Variants in WDPCP observed in about 807,000 individuals in gnomAD.
WDPCP encodes WD repeat containing planar cell polarity effector, also known as WD repeat-containing and planar cell polarity effector protein fritz homolog.
WDPCP carries 71 observed loss-of-function variants against 93.1 expected under a neutral mutation model. That is an observed-to-expected ratio of 0.76 (90% CI 0.63 to 0.93). The LOEUF (loss-of-function observed/expected upper bound fraction) is 0.93, where lower values mean the gene tolerates loss of function less well. WDPCP is among the 40% of genes least tolerant of loss of function. WDPCP has a pLI of 0.00. For missense variants in WDPCP, 844 were observed against 887.4 expected, an observed-to-expected ratio of 0.95 and a Z score of 0.62; for synonymous variants, 315 against 315.0, an observed-to-expected ratio of 1.00 and a Z score of 0.00.
intron 1 of WDPCP, among the ~76,000 whole-genome samples, chr2:63,569,540 A>C (rs928520642): frequency 4.6e-5 from 7 of 152,224 alleles, no homozygotes; most frequent in African/African-American, 1.7e-4. Context: ...CAAAAAAAAG[A>C]CGGGAAGGTC....
intron 10 of WDPCP, among the ~76,000 whole-genome samples, chr2:63,394,659 T>C (rs1693564102): frequency 6.6e-6 from 1 of 152,124 alleles, no homozygotes; most frequent in African/African-American, 2.4e-5. Context: ...AACAGTAGAC[T>C]GGATAAAGGA....
Position 63,259,419 on chromosome 2 carries a change from T to A in WDPCP, c.1813-10A>T. 1.9e-6 allele frequency: 3 copies of A among 1,598,956 alleles called. No individual in the cohort carries two copies. The highest frequency in any genetic ancestry group is 1.1e-5 in the South Asian group (1 of 90,848). ...CAAGGTAATGAATATCCTGAGGAAA[T>A]AAAGCAAAATAAAAGATTGATTCAA... On this transcript the variant is annotated splice_polypyrimidine_tract_variant and intron_variant, in intron 13 of 17. Transcript: ENST00000272321.
chr2:63,211,174 A>C (rs1363477521), intron 14 of WDPCP, among the ~76,000 whole-genome samples: 1 of 152,060 alleles, frequency 6.6e-6, no homozygotes, highest in Non-Finnish European at 1.5e-5. Context: ...TGGGTCCCTG[A>C]CCCCCGAGTA....
intron 2 of WDPCP, among the ~76,000 whole-genome samples, chr2:63,656,551 G>A (rs1268574518): frequency 6.6e-6 from 1 of 152,204 alleles, no homozygotes; most frequent in East Asian, 1.9e-4. Context: ...AGAGCTAAGA[G>A]CAGCTAGTCA....
intron 3 of WDPCP, among the ~76,000 whole-genome samples, chr2:63,632,866 A>G (rs1355968359): frequency 6.6e-6 from 1 of 152,190 alleles, no homozygotes; most frequent in Non-Finnish European, 1.5e-5. Flanking sequence ...ATATATAGGA[A>G]TATGAAGCTC....
At chr2:63,175,672 G>T (rs931676308) in intron 14 of WDPCP, among the ~76,000 whole-genome samples, 1 of 152,048 alleles carries the variant, frequency 6.6e-6, no homozygotes, top group African/African-American at 2.4e-5. Context: ...TTGTATAAGT[G>T]GTATCATACA....
At position 63,121,343 on chromosome 2, in the gene WDPCP, CAA is replaced by C. The variant is rs1176109303; in HGVS notation, c.*661_*662del. 1 of 149,916 alleles carries C rather than the reference CAA, an allele frequency of 6.7e-6. No homozygotes were observed. Among genetic ancestry groups the C allele is most frequent in the Non-Finnish European group, 1.5e-5 (1 of 67,686 alleles). The allele number at this position is 149,916 out of a possible 1,614,324, so 9.3% of individuals were successfully genotyped here. A position where few individuals can be genotyped will look rare whatever the true frequency, so the allele number is the denominator to read the frequency against. On this transcript the variant is annotated 3_prime_UTR_variant, in exon 18 of 18. Coordinates refer to ENST00000272321, the MANE Select transcript of WDPCP (RefSeq NM_015910.7). ...TTGTAATGTAAATTAATAATGTAAA[CAA>C]GAGCAGAAGAGGACTTTCTTTCTTT...
At chr2:63,462,439 G>A (rs985464272) in intron 6 of WDPCP, among the ~76,000 whole-genome samples, 1 of 152,148 alleles carries the variant, frequency 6.6e-6, no homozygotes, top group African/African-American at 2.4e-5. Flanking sequence ...CATGGCACAT[G>A]TAATACATAT....
intron 15 of WDPCP, among the ~76,000 whole-genome samples, chr2:63,159,307 C>G (rs993944305): frequency 3.3e-5 from 5 of 151,120 alleles, no homozygotes; most frequent in Non-Finnish European, 7.4e-5. Flanking sequence ...CCTAGGCTAC[C>G]CTCCAACTCC....
At chr2:63,246,965 A>T (rs1680324165) in intron 14 of WDPCP, among the ~76,000 whole-genome samples, 1 of 152,186 alleles carries the variant, frequency 6.6e-6, no homozygotes, top group Non-Finnish European at 1.5e-5. Context: ...CCTGGAAGTG[A>T]CACTGTGAAA....
chr2:63,670,552 C>A (rs1219347446), intron 2 of WDPCP, among the ~76,000 whole-genome samples: 1 of 151,998 alleles, frequency 6.6e-6, no homozygotes, highest in Non-Finnish European at 1.5e-5. Flanking sequence ...AGCAAAATAG[C>A]AATGCAGCAG....
intron 6 of WDPCP, among the ~76,000 whole-genome samples, chr2:63,458,757 A>G (rs944764528): frequency 6.6e-6 from 1 of 152,184 alleles, no homozygotes; most frequent in Non-Finnish European, 1.5e-5. Context: ...ACCAAAAAAG[A>G]ACCCAAACAG....
At chr2:63,310,662 G>A (rs1686112307) in intron 13 of WDPCP, among the ~76,000 whole-genome samples, 1 of 149,552 alleles carries the variant, frequency 6.7e-6, no homozygotes, top group East Asian at 1.9e-4. Flanking sequence ...TTAAGTAGAT[G>A]CAACAGAGCC....
intron 12 of WDPCP, among the ~76,000 whole-genome samples, chr2:63,315,014 G>A (rs995851024): frequency 2.6e-5 from 4 of 152,138 alleles, no homozygotes; most frequent in Non-Finnish European, 5.9e-5. Flanking sequence ...ATTGGCATCT[G>A]GCAGCATGGT....
At chr2:63,275,068 A>G (rs1267516632) in intron 13 of WDPCP, among the ~76,000 whole-genome samples, 1 of 152,204 alleles carries the variant, frequency 6.6e-6, no homozygotes, top group Non-Finnish European at 1.5e-5. Context: ...TCAACAAAAT[A>G]CTAGCAAACT....
intron 13 of WDPCP, among the ~76,000 whole-genome samples, chr2:63,308,607 G>A (rs1020048904): frequency 6.6e-6 from 1 of 152,096 alleles, no homozygotes; most frequent in Non-Finnish European, 1.5e-5. Context: ...CATGGATGAA[G>A]CTGGAAACCA....
chr2:63,825,876 G>A (rs1226475427), intron 1 of WDPCP, among the ~76,000 whole-genome samples: 2 of 152,146 alleles, frequency 1.3e-5, no homozygotes, highest in East Asian at 3.9e-4. Context: ...ATATCCAGGA[G>A]GAGAATTGGA....
chr2:63,476,689 T>G (rs1329923935), intron 6 of WDPCP, among the ~76,000 whole-genome samples: 1 of 152,172 alleles, frequency 6.6e-6, no homozygotes, highest in Admixed American at 6.6e-5. Flanking sequence ...AAATACTGTG[T>G]GATGAGTTTT....
intron 12 of WDPCP, among the ~76,000 whole-genome samples, chr2:63,331,193 T>A (rs1207921223): frequency 6.6e-6 from 1 of 152,132 alleles, no homozygotes; most frequent in Non-Finnish European, 1.5e-5. Flanking sequence ...TAAAGCCAGA[T>A]TTGACACCAT....
Sources: allele counts gnomAD v4.1 joint callset (sites outside exome capture counted in the v4.1 genomes callset), GRCh38; gene constraint gnomAD v4.1.1; transcripts MANE v1.5; gene names NCBI Gene and HGNC (gene_info 2026-07-23, HGNC 2026-07-21).